ANKRD12: variants seen among roughly 807,000 people sequenced by gnomAD.
ANKRD12 encodes the protein ankyrin repeat domain 12.
In ANKRD12, 85 loss-of-function variants were observed where a neutral mutation model predicts 183.4. The ratio of observed to expected loss-of-function variants is 0.46; its 90% confidence interval spans 0.39 to 0.56. The LOEUF is 0.56. ANKRD12 is among the 20% of genes least tolerant of loss of function. The pLI, the probability that ANKRD12 is intolerant of heterozygous loss-of-function variation, is 0.00. For missense variants in ANKRD12, 2,405 were observed against 2,357.1 expected (o/e 1.02, Z -0.42); for synonymous variants, 914 against 800.2 (o/e 1.14, Z -2.40).
intron 8 of ANKRD12, among the ~76,000 whole-genome samples, chr18:9,241,891 GTT>G (rs200351682): frequency 7.2e-6 from 1 of 138,588 alleles, no homozygotes; most frequent in Admixed American, 7.3e-5. Flanking sequence ...ATTCCAGGTA[GTT>G]TTTTTTTTTT....
intron 1 of ANKRD12, among the ~76,000 whole-genome samples, chr18:9,179,815 G>T (rs2033565662): frequency 6.6e-6 from 1 of 152,170 alleles, no homozygotes; most frequent in Non-Finnish European, 1.5e-5. Context: ...CCCATACTTG[G>T]CCTGGTTTAA....
chr18:9,146,927 A>G (rs2078511995), intron 1 of ANKRD12, among the ~76,000 whole-genome samples: 1 of 152,262 alleles, frequency 6.6e-6, no homozygotes, highest in Non-Finnish European at 1.5e-5. Flanking sequence ...CAGTCCTGGT[A>G]TAGTCATGGA....
intron 8 of ANKRD12, among the ~76,000 whole-genome samples, chr18:9,239,774 A>C (rs187922054): frequency 3.9e-5 from 6 of 152,242 alleles, no homozygotes; most frequent in African/African-American, 1.2e-4. Flanking sequence ...CACATCATCT[A>C]TGTGACAGAT....
In ANKRD12 at chr18:9,157,583, G is replaced by GTA. The variant is rs1184683418; in HGVS notation, c.-52+20619_-52+20620insAT. Among the ~76,000 whole-genome samples the GTA allele has an allele frequency of 4.8e-4, 48 of 100,566 alleles. No homozygotes were observed. The South Asian group carries it at 6.9e-3, about 14-fold the overall frequency. The allele number at this position is 100,566 out of a possible 152,430, so 66.0% of individuals were successfully genotyped here. A position where few individuals can be genotyped will look rare whatever the true frequency, so the allele number is the denominator to read the frequency against. On this transcript the variant is annotated intron_variant, in intron 1 of 12. Transcript: ENST00000262126. ...TGTGTGTGTGTGTGTGTGTGTGTGT[G>GTA]TGTATATATATATATATGTATTTTT...
chr18:9,191,156 G>A (rs971849533), intron 2 of ANKRD12, among the ~76,000 whole-genome samples: 2 of 152,114 alleles, frequency 1.3e-5, no homozygotes, highest in African/African-American at 4.8e-5. Context: ...CAGTTATTGG[G>A]AAAATAATGT....
chr18:9,213,156 C>G (rs946189316), intron 6 of ANKRD12, among the ~76,000 whole-genome samples: 1 of 151,788 alleles, frequency 6.6e-6, no homozygotes, highest in Non-Finnish European at 1.5e-5. Flanking sequence ...TAAAACTATT[C>G]CTATATTTTC....
At chr18:9,209,820 A>G (rs1457680251) in intron 5 of ANKRD12, among the ~76,000 whole-genome samples, 1 of 152,162 alleles carries the variant, frequency 6.6e-6, no homozygotes, top group Non-Finnish European at 1.5e-5. Context: ...ATTAAAACTG[A>G]TTTTTTAAAA....
rs1294008599 is a variant in ANKRD12 at position 9,277,346 on chromosome 18, TA to T, written c.5907+1681del. Among the ~76,000 whole-genome samples, 687 of 146,598 alleles carry T rather than the reference TA, an allele frequency of 4.7e-3. 15 individuals carry two copies. Among genetic ancestry groups the T allele is most frequent in the African/African-American group, 0.016 (645 of 39,468 alleles). On this transcript the variant is annotated intron_variant, in intron 11 of 12. Transcript: ENST00000262126. Reference sequence around the variant, plus strand: ...CTTTTTTTTTTTTTTTTTTTTTTTTTAAGCAGAGTCTGGCTCTGTCGCCCAG... The same window carrying T: ...CTTTTTTTTTTTTTTTTTTTTTTTTTAGCAGAGTCTGGCTCTGTCGCCCAG...
At chr18:9,166,987 T>A (rs957760903) in intron 1 of ANKRD12, among the ~76,000 whole-genome samples, 3 of 152,206 alleles carry the variant, frequency 2.0e-5, no homozygotes, top group Admixed American at 6.5e-5. Context: ...CTTTCCCCAT[T>A]GCTTGTTTTT....
At chr18:9,172,492 T>C (rs960786938) in intron 1 of ANKRD12, among the ~76,000 whole-genome samples, 1 of 152,214 alleles carries the variant, frequency 6.6e-6, no homozygotes, top group Admixed American at 6.5e-5. Context: ...CTGAGATTCT[T>C]TTCTCTGCTT....
chr18:9,161,320 G>T (rs1332772255), intron 1 of ANKRD12, among the ~76,000 whole-genome samples: 2 of 151,554 alleles, frequency 1.3e-5, no homozygotes, highest in African/African-American at 4.8e-5. Flanking sequence ...CTTTAACTTT[G>T]ATCCCTTTTT....
At chr18:9,161,500 T>C (rs889669096) in intron 1 of ANKRD12, among the ~76,000 whole-genome samples, 10 of 151,768 alleles carry the variant, frequency 6.6e-5, no homozygotes, top group Admixed American at 1.3e-4. Context: ...CTCAGCCTCC[T>C]GAGTAGCTGG....
intron 10 of ANKRD12, among the ~76,000 whole-genome samples, chr18:9,272,117 G>A (rs940850494): frequency 6.6e-6 from 1 of 152,136 alleles, no homozygotes; most frequent in African/African-American, 2.4e-5. Context: ...TATCCTTAGA[G>A]GACACTGTTT....
intron 8 of ANKRD12, among the ~76,000 whole-genome samples, chr18:9,228,236 A>G (rs925104575): frequency 6.6e-6 from 1 of 152,170 alleles, no homozygotes; most frequent in Admixed American, 6.6e-5. Context: ...GTTGATGGGC[A>G]TTTAGGTTGA....
At chr18:9,275,149 C>A (rs1336231877) in intron 10 of ANKRD12, among the ~76,000 whole-genome samples, 1 of 152,074 alleles carries the variant, frequency 6.6e-6, no homozygotes, top group African/African-American at 2.4e-5. Flanking sequence ...TAGGATCATG[C>A]CTACACACCA....
rs192824642 is a variant in ANKRD12 at position 9,261,720 on chromosome 18, C to T, written c.5665-2070C>T. Among the ~76,000 whole-genome samples, 431 of 152,276 alleles carry T rather than the reference C, an allele frequency of 2.8e-3. 1 individual carries two copies. The highest frequency in any genetic ancestry group is 0.01 in the African/African-American group (417 of 41,556). On this transcript the variant is annotated intron_variant, in intron 9 of 12. Coordinates refer to ENST00000262126, the MANE Select transcript of ANKRD12 (RefSeq NM_015208.5). ...GCAGATACCATTCTGTTTGTTTTTG[C>T]ATGCCATCCTCTTTTGGGAATTACC...
At chr18:9,183,053 A>G (rs1330786219) in intron 2 of ANKRD12, among the ~76,000 whole-genome samples, 3 of 152,192 alleles carry the variant, frequency 2.0e-5, no homozygotes, top group African/African-American at 7.2e-5. Flanking sequence ...TTGCGCAACC[A>G]TCATCACAAT....
intron 1 of ANKRD12, among the ~76,000 whole-genome samples, chr18:9,161,257 A>G (rs2031372384): frequency 6.6e-6 from 1 of 152,198 alleles, no homozygotes; most frequent in Non-Finnish European, 1.5e-5. Context: ...GTATGTAGCC[A>G]TGGTAAAACT....
At position 9,263,735 on chromosome 18, in the gene ANKRD12, C is replaced by T; in HGVS notation, c.5665-55C>T. On this transcript the variant is annotated intron_variant, in intron 9 of 12. Coordinates refer to ENST00000262126, the MANE Select transcript of ANKRD12 (RefSeq NM_015208.5). ...AAAGGGTTTAATTTTAAAAGAATAG[C>T]CCATTATTGTAAATAAAACCTAATA... The T allele has an allele frequency of 6.2e-6, 8 of 1,289,532 alleles. No homozygotes were observed. In the South Asian group the frequency reaches 1.5e-4, roughly 23 times the overall value. The allele number at this position is 1,289,532 out of a possible 1,614,324, so 79.9% of individuals were successfully genotyped here.
Sources: gnomAD v4.1 joint callset for allele counts (sites outside exome capture counted in the v4.1 genomes callset) on GRCh38, gnomAD v4.1.1 for gene constraint, MANE v1.5 for transcripts, NCBI Gene and HGNC (gene_info 2026-07-23, HGNC 2026-07-21) for gene names.